The following YEATS2 variants were observed in gnomAD, a reference collection of about 807,000 sequenced individuals.
The protein encoded by YEATS2 is YEATS domain containing 2.
YEATS2 carries 77 observed loss-of-function variants against 163.2 expected under a neutral mutation model. The observed-to-expected ratio is 0.47, with a 90% confidence interval of 0.39 to 0.57. The LOEUF is 0.57. YEATS2 is among the 20% of genes least tolerant of loss of function. YEATS2 has a pLI of 0.00. For synonymous variants in YEATS2, 631 were observed against 645.1 expected (o/e 0.98, Z 0.33); for missense variants, 1,549 against 1,729.8 (o/e 0.90, Z 1.85).
chr3:183,791,353 A>G lies in YEATS2; in HGVS notation c.3097+373A>G, dbSNP rs530793231. The stretch of plus-strand genomic sequence containing the variant: ...CCCAGCTATTTTTTTGGAGGGTCTT[A>G]AGCAATATTTTGTATGGTAAATTGT... On this transcript the variant is annotated intron_variant, in intron 21 of 30. Coordinates refer to ENST00000305135, the MANE Select transcript of YEATS2 (RefSeq NM_018023.5). Among the ~76,000 whole-genome samples, 692 of 152,294 alleles carry G rather than the reference A, an allele frequency of 4.5e-3. 7 individuals are homozygous for G. Among genetic ancestry groups the G allele is most frequent in the African/African-American group, 0.016 (663 of 41,566 alleles).
chr3:183,809,039 T>A, intron 29 of YEATS2, 58 bp from the exon 30 acceptor site: 1 of 1,575,240 alleles, frequency 6.3e-7, no homozygotes, highest in Non-Finnish European at 8.7e-7. Context: ...GTTAAATGTG[T>A]CCCTTCTTGC....
chr3:183,804,309 G>A lies in YEATS2; in HGVS notation c.3784+121G>A, dbSNP rs967372116. ...ACGAGAGCCTTTCCTACCTCCTGCCGTGTCCTTCGTGGGACCGTGCAGTCC... is the reference window on the plus strand; with the variant it reads ...ACGAGAGCCTTTCCTACCTCCTGCCATGTCCTTCGTGGGACCGTGCAGTCC... On this transcript the variant is annotated intron_variant, in intron 27 of 30. Coordinates refer to ENST00000305135, the MANE Select transcript of YEATS2 (RefSeq NM_018023.5). The A allele has an allele frequency of 1.0e-4, 121 of 1,195,694 alleles. No homozygotes were observed. The Admixed American group carries it at 1.3e-3, about 13-fold the overall frequency. 74.1% of individuals were successfully genotyped at this position (1,195,694 alleles called of 1,614,324 possible).
At chr3:183,777,731 TG>T in intron 19 of YEATS2, 31 bp downstream of exon 19, 1 of 1,594,124 alleles carries the variant, frequency 6.3e-7, no homozygotes, top group Non-Finnish European at 8.5e-7. Flanking sequence ...ACCCCAAATA[TG>T]GGGTGATTAT....
chr3:183,757,056 G>C (rs934946357), intron 12 of YEATS2, among the ~76,000 whole-genome samples: 1 of 151,980 alleles, frequency 6.6e-6, no homozygotes, highest in Non-Finnish European at 1.5e-5. Flanking sequence ...GCCACATACC[G>C]TTCTCCCCAG....
intron 19 of YEATS2, among the ~76,000 whole-genome samples, chr3:183,784,764 A>G (rs1342783057): frequency 2.0e-5 from 3 of 150,448 alleles, no homozygotes; most frequent in Admixed American, 6.7e-5. Context: ...CCAAAATTGC[A>G]TACTCTTGCC....
chr3:183,714,356 C>T (rs1037740390), intron 1 of YEATS2, among the ~76,000 whole-genome samples: 2 of 146,440 alleles, frequency 1.4e-5, no homozygotes, highest in Non-Finnish European at 1.5e-5. Flanking sequence ...CCACCATGCC[C>T]GTCTTTTTTT....
chr3:183,712,471 A>G (rs1715373151), intron 1 of YEATS2, among the ~76,000 whole-genome samples: 1 of 151,980 alleles, frequency 6.6e-6, no homozygotes, highest in Non-Finnish European at 1.5e-5. Flanking sequence ...TGAGCCTCCT[A>G]GAGTGGTGGG....
At chr3:183,759,706 T>G (rs1316876924) in intron 13 of YEATS2, among the ~76,000 whole-genome samples, 1 of 152,242 alleles carries the variant, frequency 6.6e-6, no homozygotes, top group Non-Finnish European at 1.5e-5. Context: ...TTTACCGTGG[T>G]GCAAAAGCAA....
chr3:183,718,005 A>G (rs913796629), intron 3 of YEATS2, among the ~76,000 whole-genome samples: 2 of 152,162 alleles, frequency 1.3e-5, no homozygotes, highest in African/African-American at 2.4e-5. Flanking sequence ...CAGCAGGGTG[A>G]CTACAGTCAA....
chr3:183,703,832 T>C (rs1577023263), intron 1 of YEATS2, among the ~76,000 whole-genome samples: 1 of 152,194 alleles, frequency 6.6e-6, no homozygotes, highest in East Asian at 1.9e-4. Context: ...ATGGATCATA[T>C]GTATTTGGAT....
chr3:183,703,166 C>T (rs1203470453), intron 1 of YEATS2, among the ~76,000 whole-genome samples: 2 of 152,190 alleles, frequency 1.3e-5, no homozygotes, highest in African/African-American at 2.4e-5. Context: ...TCCCACATCA[C>T]GTCAGTCCTA....
At chr3:183,763,797 G>A (rs1371818780) in intron 15 of YEATS2, among the ~76,000 whole-genome samples, 1 of 152,062 alleles carries the variant, frequency 6.6e-6, no homozygotes, top group Non-Finnish European at 1.5e-5. Flanking sequence ...CGGCATGGTG[G>A]CTCACACCTG....
intron 21 of YEATS2, among the ~76,000 whole-genome samples, chr3:183,791,783 C>G (rs1453388928): frequency 1.3e-5 from 2 of 152,098 alleles, no homozygotes; most frequent in Non-Finnish European, 2.9e-5. Context: ...GCTGGAGATC[C>G]AGTAAGAGCT....
intron 8 of YEATS2, among the ~76,000 whole-genome samples, chr3:183,741,463 T>G (rs1718953252): frequency 6.6e-6 from 1 of 152,108 alleles, no homozygotes; most frequent in Admixed American, 6.6e-5. Flanking sequence ...TGTTGCTCAT[T>G]GATAATTCAC....
At chr3:183,736,256 T>G (rs1381392955) in intron 7 of YEATS2, among the ~76,000 whole-genome samples, 1 of 152,226 alleles carries the variant, frequency 6.6e-6, no homozygotes, top group Non-Finnish European at 1.5e-5. Context: ...TCTTTAAGTC[T>G]TCTTAGCAGA....
At chr3:183,711,003 G>T (rs1026857087) in intron 1 of YEATS2, among the ~76,000 whole-genome samples, 2 of 152,164 alleles carry the variant, frequency 1.3e-5, no homozygotes, top group Middle Eastern at 3.2e-3. Flanking sequence ...CTAGGTTCAT[G>T]TGTAATTAGG....
At position 183,762,275 on chromosome 3, in the gene YEATS2, C is replaced by T; in HGVS notation, c.1943C>T (p.Ser648Phe). 1 of 1,592,324 alleles carries T rather than the reference C, an allele frequency of 6.3e-7. No individual in the cohort carries two copies. Residue 648 changes from serine (S) to phenylalanine (F), a missense_variant, in exon 15 of 31, where the codon TCC becomes TTC. Physicochemically the swap from Ser to Phe is radical, Grantham distance 155. Transcript: ENST00000305135. ...GIAQSAKVQP[S>F]KVVGVPVGSA... ...GCCCAGTCAGCAAAGGTTCAGCCCT[C>T]CAAGGTTTGTGTTGGGTAGAGATGG...
chr3:183,736,748 C>G lies in YEATS2; in HGVS notation c.843C>G (p.Gly281=), dbSNP rs1384756758. 6.2e-7 allele frequency: 1 copy of G among 1,613,780 alleles called. No homozygotes were observed. The highest frequency in any genetic ancestry group is 1.7e-5 in the Admixed American group (1 of 59,968). ...CTCCTTTTCACCTGACCAGAAGAGGCTGGGGTGAGTTTCCCGTCAGAGTTC... is the reference window on the plus strand; with the variant it reads ...CTCCTTTTCACCTGACCAGAAGAGGGTGGGGTGAGTTTCCCGTCAGAGTTC... ...REPPFHLTRR[G]WGEFPVRVQV... Residue 281 remains glycine, a synonymous_variant, in exon 8 of 31, where the codon GGC becomes GGG. Coordinates refer to ENST00000305135, the MANE Select transcript of YEATS2 (RefSeq NM_018023.5).
chr3:183,734,550 A>G (rs1340173384), intron 7 of YEATS2, among the ~76,000 whole-genome samples: 1 of 152,210 alleles, frequency 6.6e-6, no homozygotes, highest in African/African-American at 2.4e-5. Context: ...TTCCGAAAAG[A>G]CTTGAGGGAA....
Sources: gnomAD v4.1 joint callset for allele counts (sites outside exome capture counted in the v4.1 genomes callset) on GRCh38, gnomAD v4.1.1 for gene constraint, MANE v1.5 for transcripts, NCBI Gene and HGNC (gene_info 2026-07-23, HGNC 2026-07-21) for gene names.